The following GPHN variants were observed in gnomAD, a reference collection of about 807,000 sequenced individuals.
GPHN encodes gephyrin.
GPHN carries 17 observed loss-of-function variants against 95.5 expected under a neutral mutation model. The observed-to-expected ratio is 0.18, with a 90% CI of 0.12 to 0.27. The LOEUF is 0.27. GPHN is among the 10% of genes least tolerant of loss of function. GPHN has a pLI of 1.00. For missense variants in GPHN, 660 were observed against 978.1 expected (o/e 0.67, Z 4.34); for synonymous variants, 320 against 322.5 (o/e 0.99, Z 0.08).
chr14:67,348,914 C>A, the GPHN span: 1 of 897,242 alleles, frequency 1.1e-6, no homozygotes, highest in South Asian at 1.7e-5. Flanking sequence ...CATGTAAAGC[C>A]AATCAACTTG....
At chr14:67,150,648 T>A (rs1456807859) in intron 18 of GPHN, among the ~76,000 whole-genome samples, 1 of 152,074 alleles carries the variant, frequency 6.6e-6, no homozygotes, top group Non-Finnish European at 1.5e-5. Flanking sequence ...TTAAGATTGA[T>A]GTAAATAAGA....
chr14:67,225,948 TGTGTGTGTGTGTGTGC>T, the GPHN span, among the ~76,000 whole-genome samples: 7 of 137,212 alleles, frequency 5.1e-5, no homozygotes, highest in East Asian at 9.1e-4. Flanking sequence ...TGTGTGTGTG[TGTGTGTGTGTGTGTGC>T]GCGCGCGCGC....
chr14:67,010,961 G>A (rs892297684), intron 9 of GPHN, among the ~76,000 whole-genome samples: 1 of 152,120 alleles, frequency 6.6e-6, no homozygotes, highest in Admixed American at 6.5e-5. Flanking sequence ...GTGTAAATGG[G>A]TATTTAGATG....
intron 1 of GPHN, among the ~76,000 whole-genome samples, chr14:66,593,063 C>G (rs1439967864): frequency 2.0e-5 from 3 of 152,158 alleles, no homozygotes; most frequent in Non-Finnish European, 4.4e-5. Context: ...AAACCAAACA[C>G]TGCATGTTCT....
At chr14:66,912,122 A>G (rs946016438) in intron 5 of GPHN, among the ~76,000 whole-genome samples, 1 of 152,084 alleles carries the variant, frequency 6.6e-6, no homozygotes, top group African/African-American at 2.4e-5. Context: ...ATTCTTTAAG[A>G]TTACTTTCCA....
chr14:67,005,549 C>CA (rs2072543936), intron 9 of GPHN, among the ~76,000 whole-genome samples: 1 of 151,866 alleles, frequency 6.6e-6, no homozygotes, highest in Non-Finnish European at 1.5e-5. Flanking sequence ...TATTTGATGT[C>CA]AGAGTATTTT....
At chr14:67,586,439 G>A in the GPHN span, 1 of 1,310,430 alleles carries the variant, frequency 7.6e-7, no homozygotes, top group South Asian at 1.2e-5. Flanking sequence ...CTCAAGGCAG[G>A]GCAGATTCCT....
At chr14:67,051,477 A>G (rs2075303514) in intron 10 of GPHN, among the ~76,000 whole-genome samples, 1 of 152,216 alleles carries the variant, frequency 6.6e-6, no homozygotes, top group South Asian at 2.1e-4. Flanking sequence ...GACCAAACCT[A>G]CAACTGATTG....
At chr14:67,662,179 C>A in the GPHN span, among the ~76,000 whole-genome samples, 19,730 of 140,048 alleles carry the variant, frequency 0.14, 2,156 homozygotes, top group African/African-American at 0.3. Context: ...ACAACAACAA[C>A]AAAAAAAAAA....
At chr14:67,342,232 AC>A in the GPHN span, among the ~76,000 whole-genome samples, 6 of 151,070 alleles carry the variant, frequency 4.0e-5, no homozygotes, top group African/African-American at 1.5e-4. Flanking sequence ...ATAAAAAAAA[AC>A]ACAAAGAAAA....
chr14:67,217,742 T>C, the GPHN span, among the ~76,000 whole-genome samples: 1 of 152,218 alleles, frequency 6.6e-6, no homozygotes, highest in African/African-American at 2.4e-5. Flanking sequence ...AAGAGTTTAA[T>C]CTTAAGAGTT....
rs1238342228 is a variant in GPHN at position 66,922,932 on chromosome 14, T to G, written c.723T>G (p.Ala241=). 3 of 1,612,010 alleles carry G rather than the reference T, an allele frequency of 1.9e-6. No individual in the cohort carries two copies. In the African/African-American group the frequency reaches 4.0e-5, roughly 22 times the overall value. Residue 241 remains alanine (A), a synonymous_variant, in exon 7 of 23, where the codon GCT becomes GCG. Coordinates refer to ENST00000478722, the MANE Select transcript of GPHN (RefSeq NM_020806.5). The stretch of plus-strand genomic sequence containing the variant: ...CACATATAACTGCAGCAGCCATTGC[T>G]GCCAAGGTAAGCCTGATGAGAGTTA... ...SSSHITAAAI[A]AKKHPFYTSP...
At chr14:67,376,727 A>T in the GPHN span, 1 of 803,736 alleles carries the variant, frequency 1.2e-6, no homozygotes, top group East Asian at 2.5e-5. Context: ...AAATGGGCCA[A>T]TCCTATATGG....
At chr14:66,784,873 T>C (rs945393240) in intron 3 of GPHN, among the ~76,000 whole-genome samples, 19 of 152,140 alleles carry the variant, frequency 1.2e-4, no homozygotes, top group African/African-American at 4.6e-4. Context: ...AGGCCTATGG[T>C]CTTAATACTT....
chr14:67,651,953 TTAAAAATTTTCCTATCTGTTGTTTACA>T, the GPHN span, among the ~76,000 whole-genome samples: 2 of 152,224 alleles, frequency 1.3e-5, no homozygotes, highest in South Asian at 4.1e-4. Flanking sequence ...GTATAGGAGC[TTAAAAATTTTCCTATCTGTTGTTTACA>T]TAAAGAATCC....
chr14:67,606,749 C>T, the GPHN span, among the ~76,000 whole-genome samples: 3,847 of 152,160 alleles, frequency 0.025, 152 homozygotes, highest in African/African-American at 0.087. Flanking sequence ...TGGTTTCAAG[C>T]GATTCTCCTG....
At chr14:66,625,848 A>T (rs543036807) in intron 1 of GPHN, among the ~76,000 whole-genome samples, 13 of 152,332 alleles carry the variant, frequency 8.5e-5, no homozygotes, top group Admixed American at 3.9e-4. Context: ...ATGCAGATTT[A>T]TATTTAATAG....
chr14:66,577,769 G>C (rs1282966532), intron 1 of GPHN, among the ~76,000 whole-genome samples: 1 of 152,024 alleles, frequency 6.6e-6, no homozygotes, highest in Non-Finnish European at 1.5e-5. Context: ...GAGGACGAAT[G>C]AGATTTCACT....
At chr14:67,734,063 T>C in the GPHN span, 12 of 435,774 alleles carry the variant, frequency 2.8e-5, no homozygotes, top group African/African-American at 2.4e-4. Context: ...TAGAGTGTTC[T>C]TCTCTAAGAC....
Sources: gnomAD v4.1 joint callset for allele counts (sites outside exome capture counted in the v4.1 genomes callset) on GRCh38, gnomAD v4.1.1 for gene constraint, MANE v1.5 for transcripts, NCBI Gene and HGNC (gene_info 2026-07-23, HGNC 2026-07-21) for gene names.